Variants in C12orf42 observed in about 807,000 individuals in gnomAD.
C12orf42 encodes chromosome 12 open reading frame 42.
C12orf42 carries 25 observed loss-of-function variants against 21.6 expected under a neutral mutation model. That is an observed-to-expected ratio of 1.16 (90% confidence interval 0.84 to 1.62). The LOEUF is 1.62. C12orf42 is among the 40% of genes most tolerant of loss of function. The pLI is 0.00. For synonymous variants in C12orf42, 174 were observed against 175.0 expected (o/e 0.99, Z 0.05); for missense variants, 483 against 459.3 (o/e 1.05, Z -0.47).
the C12orf42 span, among the ~76,000 whole-genome samples, chr12:103,219,742 ATTAAAAAGT>A: frequency 6.6e-6 from 1 of 152,222 alleles, no homozygotes; most frequent in Non-Finnish European, 1.5e-5. Flanking sequence ...AATGGCGATC[ATTAAAAAGT>A]CAGGAAAAAA....
intron 2 of C12orf42, among the ~76,000 whole-genome samples, chr12:103,414,790 T>C (rs1053227688): frequency 2.6e-5 from 4 of 152,176 alleles, no homozygotes; most frequent in Admixed American, 6.5e-5. Flanking sequence ...CCAGGGGCCT[T>C]TTGGCAGAGT....
At chr12:103,127,189 T>C in the C12orf42 span, among the ~76,000 whole-genome samples, 3 of 152,310 alleles carry the variant, frequency 2.0e-5, no homozygotes, top group East Asian at 5.8e-4. Flanking sequence ...AGCCAAGAAA[T>C]GCCACTTCTG....
chr12:103,065,427 G>A, the C12orf42 span, among the ~76,000 whole-genome samples: 5 of 152,170 alleles, frequency 3.3e-5, no homozygotes, highest in African/African-American at 9.7e-5. Context: ...GCCTTCAGCT[G>A]GCAAGACCAG....
In C12orf42 at chr12:103,279,679, T is replaced by C. The variant is rs528494955; in HGVS notation, n.338-2469A>G. Among the ~76,000 whole-genome samples, 5 of 152,274 alleles carry C rather than the reference T, an allele frequency of 3.3e-5. No homozygotes were observed. The East Asian group carries it at 9.6e-4, about 29-fold the overall frequency. Reference sequence around the variant, plus strand: ...GACTAGGTGTGTGGTTGAAAATGACTAGGTGTGTGGTTGAAGATGAATTTA... The same window carrying C: ...GACTAGGTGTGTGGTTGAAAATGACCAGGTGTGTGGTTGAAGATGAATTTA... On this transcript the variant is annotated intron_variant and non_coding_transcript_variant, in intron 4 of 6. Transcript: ENST00000546526.
At chr12:103,347,290 T>C (rs1018349226) in intron 4 of C12orf42, among the ~76,000 whole-genome samples, 4 of 149,524 alleles carry the variant, frequency 2.7e-5, no homozygotes, top group Non-Finnish European at 5.9e-5. Flanking sequence ...CACTTCTGAG[T>C]GAGAACATGC....
intron 1 of C12orf42, among the ~76,000 whole-genome samples, chr12:103,484,424 ATTT>A (rs1565899471): frequency 6.6e-6 from 1 of 152,070 alleles, no homozygotes; most frequent in African/African-American, 2.4e-5. Flanking sequence ...GGTGATGAGC[ATTT>A]TTTTATGTGT....
At chr12:103,313,674 A>C (rs1314867240) in intron 4 of C12orf42, among the ~76,000 whole-genome samples, 1 of 152,240 alleles carries the variant, frequency 6.6e-6, no homozygotes, top group African/African-American at 2.4e-5. Context: ...GGACATACTT[A>C]ACAAATCTTA....
chr12:103,313,542 G>A (rs1304186064), intron 4 of C12orf42, among the ~76,000 whole-genome samples: 1 of 152,176 alleles, frequency 6.6e-6, no homozygotes, highest in Non-Finnish European at 1.5e-5. Context: ...AGCTACTTAA[G>A]TGTTCTCTGC....
At chr12:103,091,552 T>G in the C12orf42 span, among the ~76,000 whole-genome samples, 1 of 152,266 alleles carries the variant, frequency 6.6e-6, no homozygotes, top group Non-Finnish European at 1.5e-5. Flanking sequence ...CATGTAAAGT[T>G]CCATCTAAAA....
At chr12:103,354,081 C>G (rs901203072) in intron 4 of C12orf42, among the ~76,000 whole-genome samples, 1 of 152,158 alleles carries the variant, frequency 6.6e-6, no homozygotes, top group African/African-American at 2.4e-5. Flanking sequence ...TTCATCTCTT[C>G]TTATTCTACC....
the C12orf42 span, among the ~76,000 whole-genome samples, chr12:103,070,253 C>T: frequency 2.6e-5 from 4 of 152,098 alleles, no homozygotes. Flanking sequence ...GTTGTGATTT[C>T]CTTGGCAGCT....
chr12:103,547,135 T>C, the C12orf42 span, among the ~76,000 whole-genome samples: 1 of 152,152 alleles, frequency 6.6e-6, no homozygotes, highest in Non-Finnish European at 1.5e-5. Flanking sequence ...TGTTACAGGG[T>C]CCCCAGCCAA....
chr12:103,455,758 A>C (rs961372379), intron 2 of C12orf42, among the ~76,000 whole-genome samples: 1 of 152,204 alleles, frequency 6.6e-6, no homozygotes, highest in South Asian at 2.1e-4. Flanking sequence ...CAGGCTTAGA[A>C]TAAGTATTTC....
chr12:103,294,497 G>GA (rs2037069039), intron 4 of C12orf42, among the ~76,000 whole-genome samples: 1 of 140,800 alleles, frequency 7.1e-6, no homozygotes, highest in African/African-American at 2.6e-5. Context: ...AAGAAAGAAA[G>GA]AAAGAAAGAA....
At chr12:103,206,808 C>A in the C12orf42 span, among the ~76,000 whole-genome samples, 1 of 152,160 alleles carries the variant, frequency 6.6e-6, no homozygotes, top group Non-Finnish European at 1.5e-5. Flanking sequence ...ATTTCATATT[C>A]ACCATCCATA....
At chr12:103,256,181 CATATATAT>C (rs1226594168) in intron 10 of C12orf42, among the ~76,000 whole-genome samples, 12 of 114,674 alleles carry the variant, frequency 1.0e-4, no homozygotes, top group East Asian at 2.5e-4. Context: ...CATATATATA[CATATATAT>C]ACACATATAT....
chr12:103,549,342 G>A, the C12orf42 span, among the ~76,000 whole-genome samples: 1 of 152,176 alleles, frequency 6.6e-6, no homozygotes. Context: ...GCGTGTCTCA[G>A]ACTTCCGCAA....
chr12:103,097,812 G>A, the C12orf42 span, among the ~76,000 whole-genome samples: 3 of 152,186 alleles, frequency 2.0e-5, no homozygotes, highest in Non-Finnish European at 4.4e-5. Context: ...AAAGAAATGC[G>A]CTGCAAAGCC....
At chr12:103,117,801 A>C in the C12orf42 span, among the ~76,000 whole-genome samples, 1 of 152,336 alleles carries the variant, frequency 6.6e-6, no homozygotes, top group African/African-American at 2.4e-5. Context: ...AATGAAGGCA[A>C]CCTGAGTATA....
Sources: allele counts gnomAD v4.1 joint callset (sites outside exome capture counted in the v4.1 genomes callset), GRCh38; gene constraint gnomAD v4.1.1; transcripts MANE v1.5; gene names NCBI Gene and HGNC (gene_info 2026-07-23, HGNC 2026-07-21).